The following DAZAP1 variants were observed in gnomAD, a reference collection of about 807,000 sequenced individuals.
DAZAP1 encodes DAZ-associated protein 1.
DAZAP1 carries 6 observed loss-of-function variants against 60.1 expected under a neutral mutation model. The observed-to-expected ratio is 0.10, with a 90% CI of 0.05 to 0.20. The LOEUF (loss-of-function observed/expected upper bound fraction) is 0.20. Among genes scored for constraint, DAZAP1 ranks in the 10% least tolerant of loss-of-function variants. The pLI, the probability that DAZAP1 is intolerant of heterozygous loss-of-function variation, is 1.00. For synonymous variants in DAZAP1, 235 were observed against 215.9 expected, an observed-to-expected ratio of 1.09 and a Z score of -0.78; for missense variants, 366 against 560.4, an observed-to-expected ratio of 0.65 and a Z score of 3.50.
At chr19:1,427,988 C>T (rs558930447) in intron 7 of DAZAP1, 25 of 152,276 alleles carry the variant, frequency 1.6e-4, no homozygotes, top group African/African-American at 6.0e-4. Context: ...TTGGGGGGAT[C>T]TTTCTGTTGT....
chr19:1,410,631 C>T (rs1487637800), intron 1 of DAZAP1, among the ~76,000 whole-genome samples: 1 of 152,228 alleles, frequency 6.6e-6, no homozygotes, highest in Non-Finnish European at 1.5e-5. Context: ...TGTTGAGTAG[C>T]CGCTGGGTGC....
Position 1,430,178 on chromosome 19 carries a change from T to C in DAZAP1, c.731-44T>C, listed in dbSNP as rs375043193. 148 of 1,576,342 alleles carry C rather than the reference T, an allele frequency of 9.4e-5. No individual in the cohort carries two copies. The African/African-American group carries it at 1.9e-3, about 20-fold the overall frequency. ...GGGTCTAACTGTGGCCAGTCTGTGT[T>C]GTCCAGCGCTCTCTGTCCATCACCC... On this transcript the variant is annotated intron_variant, in intron 9 of 11. Transcript: ENST00000233078.
chr19:1,430,270 C>CCCCCCAAA lies in DAZAP1; in HGVS notation c.779_780insCCCCCAAA (p.Phe262GlnfsTer76). ...GGAAGAGGAGCCCCCCCGCCACCCC[C>CCCCCCAAA]ACCGTTCACCTCCTACATCGTGTCC... is the stretch of plus-strand genomic sequence containing the variant. On this transcript the variant is annotated frameshift_variant, in exon 10 of 12. Transcript: ENST00000233078. LOFTEE classifies it high-confidence loss of function. 6 of 1,368,606 alleles carry CCCCCCAAA rather than the reference C, an allele frequency of 4.4e-6. No individual in the cohort carries two copies. The highest frequency in any genetic ancestry group is 1.4e-5 in the African/African-American group (1 of 69,658). The allele number at this position is 1,368,606 out of a possible 1,614,324, so 84.8% of individuals were successfully genotyped here. A position where few individuals can be genotyped will look rare whatever the true frequency, so the allele number is the denominator to read the frequency against.
At position 1,425,039 on chromosome 19, in the gene DAZAP1, T is replaced by C. The variant is rs373712391; in HGVS notation, c.464-839T>C. Among the ~76,000 whole-genome samples the C allele has an allele frequency of 3.9e-5, 6 of 152,216 alleles. No individual in the cohort carries two copies. The South Asian group carries it at 1.2e-3, about 31-fold the overall frequency. On this transcript the variant is annotated intron_variant, in intron 6 of 11. Coordinates refer to ENST00000233078, the MANE Select transcript of DAZAP1 (RefSeq NM_018959.4). This position sits in a 1 kb window ranked among gnomAD's most constrained non-coding sequence, Gnocchi z 5.4. ...TCTTGTGTTTGGGAAATGCTAAATT[T>C]TTTTTGCCTTTAAAATTTTCTGTTT...
chr19:1,425,806 C>T lies in DAZAP1; in HGVS notation c.464-72C>T, dbSNP rs2083293735. ...CCAAGGTCGATCCCTCGGCCCGTCC[C>T]TAATACTGTTCATCATCCTGTTTTG... is the stretch of plus-strand genomic sequence containing the variant. On this transcript the variant is annotated intron_variant, in intron 6 of 11. Coordinates refer to ENST00000233078, the MANE Select transcript of DAZAP1 (RefSeq NM_018959.4). This position sits in a 1 kb window ranked among gnomAD's most constrained non-coding sequence, Gnocchi z 5.4. 1 of 1,092,268 alleles carries T rather than the reference C, an allele frequency of 9.2e-7. No individual in the cohort carries two copies. The highest frequency in any genetic ancestry group is 1.2e-5 in the South Asian group (1 of 80,408). The allele number at this position is 1,092,268 out of a possible 1,614,324, so 67.7% of individuals were successfully genotyped here. A position where few individuals can be genotyped will look rare whatever the true frequency, so the allele number is the denominator to read the frequency against.
chr19:1,411,574 C>T (rs141958969), intron 1 of DAZAP1, among the ~76,000 whole-genome samples: 5 of 152,306 alleles, frequency 3.3e-5, no homozygotes, highest in South Asian at 2.1e-4. Flanking sequence ...TGGAGCAGGC[C>T]GGTGTCTAGA....
chr19:1,424,222 C>G (rs776194042), intron 6 of DAZAP1, among the ~76,000 whole-genome samples: 3 of 152,084 alleles, frequency 2.0e-5, no homozygotes, highest in Non-Finnish European at 4.4e-5. Flanking sequence ...CCGCCCGCTC[C>G]AGCCGCTGCC....
chr19:1,431,083 G>A (rs1330833844), intron 10 of DAZAP1, among the ~76,000 whole-genome samples: 3 of 151,694 alleles, frequency 2.0e-5, no homozygotes, highest in Non-Finnish European at 1.5e-5. Context: ...AAAGCTGAGT[G>A]TAAGATCAGC....
At chr19:1,424,562 C>T (rs1465057018) in intron 6 of DAZAP1, among the ~76,000 whole-genome samples, 2 of 151,872 alleles carry the variant, frequency 1.3e-5, no homozygotes, top group African/African-American at 2.4e-5. Flanking sequence ...GCTACAGCAG[C>T]CCTGGCCCCT....
chr19:1,413,580 G>C (rs1458269598), intron 1 of DAZAP1, among the ~76,000 whole-genome samples: 1 of 152,238 alleles, frequency 6.6e-6, no homozygotes, highest in African/African-American at 2.4e-5. Flanking sequence ...CTGAGTGGTA[G>C]TAAAAGACAC....
rs1438791199 is a variant in DAZAP1 at position 1,416,126 on chromosome 19, C to T, written c.30-1374C>T. 6.6e-6 allele frequency: 1 copy of T among 152,236 alleles called. No individual in the cohort carries two copies. Among genetic ancestry groups the T allele is most frequent in the African/African-American group, 2.4e-5 (1 of 41,430 alleles). The allele number at this position is 152,236 out of a possible 1,614,324, so 9.4% of individuals were successfully genotyped here. A position where few individuals can be genotyped will look rare whatever the true frequency, so the allele number is the denominator to read the frequency against. On this transcript the variant is annotated intron_variant, in intron 1 of 11. Coordinates refer to ENST00000233078, the MANE Select transcript of DAZAP1 (RefSeq NM_018959.4). This position sits in a 1 kb window ranked among gnomAD's most constrained non-coding sequence, Gnocchi z 4.3. Reference sequence around the variant, plus strand: ...GAGAGGTGATGAGTGTGCCAGCCACCTTGCAGGGGTCTTTCCTGGCGAGCT... The same window carrying T: ...GAGAGGTGATGAGTGTGCCAGCCACTTTGCAGGGGTCTTTCCTGGCGAGCT...
chr19:1,417,178 C>T, intron 1 of DAZAP1: 1 of 408,896 alleles, frequency 2.4e-6, no homozygotes, highest in Non-Finnish European at 4.4e-6. Flanking sequence ...CTGTGTCCCA[C>T]TTGGCAGCAG....
chr19:1,414,735 CA>C (rs200993206), intron 1 of DAZAP1, among the ~76,000 whole-genome samples: 1 of 148,086 alleles, frequency 6.8e-6, no homozygotes, highest in African/African-American at 2.5e-5. Context: ...GACAATTTTT[CA>C]AAAAAAAATT....
chr19:1,415,141 C>T (rs2082939463), intron 1 of DAZAP1, among the ~76,000 whole-genome samples: 1 of 152,144 alleles, frequency 6.6e-6, no homozygotes, highest in African/African-American at 2.4e-5. Flanking sequence ...GTTTCTAGCC[C>T]TTCCCCCTTA....
In DAZAP1 at chr19:1,425,284, AG is replaced by A. The variant is rs2083278995; in HGVS notation, c.464-593del. 6.6e-6 allele frequency among the ~76,000 whole-genome samples: 1 copy of A among 152,216 alleles called. No homozygotes were observed. The highest frequency in any genetic ancestry group is 2.4e-5 in the African/African-American group (1 of 41,452). Reference sequence around the variant, plus strand: ...TAGATACTGTATCTGTTAACGCTTTAGAACGATATATGGCTGCTGTCAGCAC... The same window carrying A: ...TAGATACTGTATCTGTTAACGCTTTAAACGATATATGGCTGCTGTCAGCAC... On this transcript the variant is annotated intron_variant, in intron 6 of 11. Transcript: ENST00000233078. This position sits in a 1 kb window ranked among gnomAD's most constrained non-coding sequence, Gnocchi z 5.4.
intron 1 of DAZAP1, 61 bp downstream of exon 1, chr19:1,407,863 G>A: frequency 9.5e-7 from 1 of 1,049,104 alleles, no homozygotes. Context: ...GCTCCCCGCC[G>A]CCCGGCCTCA....
chr19:1,430,093 T>C, intron 9 of DAZAP1, 97 bp downstream of exon 9: 1 of 1,575,524 alleles, frequency 6.3e-7, no homozygotes, highest in Non-Finnish European at 8.7e-7. Context: ...CTGGTTCCCG[T>C]GTCCTGAGTG....
Position 1,422,471 on chromosome 19 carries a change from GCA to G in DAZAP1, c.463+82_463+83del, listed in dbSNP as rs2083185860. On this transcript the variant is annotated intron_variant, in intron 6 of 11. Coordinates refer to ENST00000233078, the MANE Select transcript of DAZAP1 (RefSeq NM_018959.4). The surrounding 1 kb of genome is among the most constrained non-coding windows in gnomAD (Gnocchi z 4.5). ...GATGGCAAACTATCTCACCCGCCAGGCACACACAGGTGGCGGCTGTAGCAAAC... is the reference window on the plus strand; with the variant it reads ...GATGGCAAACTATCTCACCCGCCAGGCACACAGGTGGCGGCTGTAGCAAAC... 1 of 1,421,866 alleles carries G rather than the reference GCA, an allele frequency of 7.0e-7. No homozygotes were observed. The highest frequency in any genetic ancestry group is 1.2e-5 in the South Asian group (1 of 85,710). The allele number at this position is 1,421,866 out of a possible 1,614,324, so 88.1% of individuals were successfully genotyped here. A position where few individuals can be genotyped will look rare whatever the true frequency, so the allele number is the denominator to read the frequency against.
rs265270 is a variant in DAZAP1 at position 1,413,249 on chromosome 19, C to T, written c.30-4251C>T. Among the ~76,000 whole-genome samples the T allele has an allele frequency of 5.3e-3, 803 of 152,350 alleles. 12 individuals carry two copies. Among genetic ancestry groups the T allele is most frequent in the African/African-American group, 0.018 (747 of 41,578 alleles). ...GCAGCTCCTCCTTTTGGCCTCTGCC[C>T]GCGCCCGGCTTCCTGGACTCCGACG... On this transcript the variant is annotated intron_variant, in intron 1 of 11. Transcript: ENST00000233078.
Sources: gnomAD v4.1 joint callset for allele counts (sites outside exome capture counted in the v4.1 genomes callset) on GRCh38, gnomAD v4.1.1 for gene constraint, Gnocchi (gnomAD v3.1) non-coding constraint, MANE v1.5 for transcripts, NCBI Gene and HGNC (gene_info 2026-07-23, HGNC 2026-07-21) for gene names.